CTNNA2: variants seen among roughly 807,000 people sequenced by gnomAD.
CTNNA2 encodes catenin alpha 2, also known as catenin alpha-2.
A neutral mutation model predicts 101.0 loss-of-function variants in CTNNA2; 42 were observed. The observed-to-expected ratio is 0.42, with a 90% CI of 0.32 to 0.54. The LOEUF (loss-of-function observed/expected upper bound fraction) is 0.54, where lower values mean the gene tolerates loss of function less well. Ranked by LOEUF, CTNNA2 falls within the 20% of genes least tolerant of loss-of-function variation. The pLI is 0.14. For missense variants in CTNNA2, 871 were observed against 1,223.1 expected (o/e 0.71, Z 4.29); for synonymous variants, 450 against 456.4 (o/e 0.99, Z 0.18).
At chr2:79,678,553 A>AG (rs1183720636) in intron 2 of CTNNA2, among the ~76,000 whole-genome samples, 3 of 151,690 alleles carry the variant, frequency 2.0e-5, no homozygotes, top group African/African-American at 7.3e-5. Context: ...AAAAAAAAAA[A>AG]AAAAGAAAAA....
intron 1 of CTNNA2, among the ~76,000 whole-genome samples, chr2:79,527,974 T>C (rs1277981837): frequency 6.6e-6 from 1 of 152,204 alleles, no homozygotes; most frequent in Admixed American, 6.6e-5. Flanking sequence ...TGGGATAATA[T>C]TCCACCATAA....
chr2:80,562,332 A>G (rs1187491608), intron 12 of CTNNA2, among the ~76,000 whole-genome samples: 5 of 152,210 alleles, frequency 3.3e-5, no homozygotes, highest in Admixed American at 2.6e-4. Flanking sequence ...GATAGCTTAC[A>G]ATATAGAAAT....
intron 7 of CTNNA2, among the ~76,000 whole-genome samples, chr2:80,391,007 C>A (rs1677457623): frequency 6.6e-6 from 1 of 151,668 alleles, no homozygotes; most frequent in Admixed American, 6.6e-5. Context: ...TGGCACATGT[C>A]TGTAATCCCA....
chr2:79,345,710 T>G (rs62156622), intron 3 of CTNNA2, among the ~76,000 whole-genome samples: 1 of 152,164 alleles, frequency 6.6e-6, no homozygotes, highest in Admixed American at 6.5e-5. Context: ...TTGTCTGTTT[T>G]GAGACAGAGT....
At chr2:80,095,979 AG>A (rs1700119673) in intron 7 of CTNNA2, among the ~76,000 whole-genome samples, 1 of 152,056 alleles carries the variant, frequency 6.6e-6, no homozygotes, top group Non-Finnish European at 1.5e-5. Flanking sequence ...GATTTTTTGA[AG>A]GGTTTTTTGT....
At chr2:80,351,499 A>C (rs1342283460) in intron 7 of CTNNA2, among the ~76,000 whole-genome samples, 1 of 152,052 alleles carries the variant, frequency 6.6e-6, no homozygotes, top group African/African-American at 2.4e-5. Flanking sequence ...ACTAAAGAAG[A>C]CCATGTTTGA....
intron 8 of CTNNA2, among the ~76,000 whole-genome samples, chr2:80,400,114 C>T (rs181147410): frequency 1.1e-4 from 17 of 152,280 alleles, no homozygotes; most frequent in Non-Finnish European, 2.1e-4. Context: ...AACAGCTAAT[C>T]GCCTTGATTC....
intron 18 of CTNNA2, among the ~76,000 whole-genome samples, chr2:80,630,215 T>G (rs2149827948): frequency 6.6e-6 from 1 of 152,318 alleles, no homozygotes; most frequent in Non-Finnish European, 1.5e-5. Context: ...AAATAAAAGT[T>G]TAAACAAGGT....
intron 2 of CTNNA2, among the ~76,000 whole-genome samples, chr2:79,222,880 G>T (rs1572986928): frequency 6.6e-6 from 1 of 152,058 alleles, no homozygotes; most frequent in Non-Finnish European, 1.5e-5. Flanking sequence ...AAACACAGTG[G>T]CTCTCATCTG....
intron 12 of CTNNA2, among the ~76,000 whole-genome samples, chr2:80,565,299 C>T (rs1485777375): frequency 6.6e-6 from 1 of 152,032 alleles, no homozygotes; most frequent in Non-Finnish European, 1.5e-5. Context: ...AGATAAAAAG[C>T]AAAGTTCTAG....
At chr2:80,628,819 G>A (rs992747086) in intron 18 of CTNNA2, among the ~76,000 whole-genome samples, 3 of 152,008 alleles carry the variant, frequency 2.0e-5, no homozygotes, top group Non-Finnish European at 2.9e-5. Flanking sequence ...TGAGTGGCAC[G>A]ATGATCCCCA....
At position 80,112,732 on chromosome 2, in the gene CTNNA2, C is replaced by T. The variant is rs116314000; in HGVS notation, c.1056+202935C>T. Among the ~76,000 whole-genome samples the T allele has an allele frequency of 7.5e-3, 1,141 of 152,280 alleles. 17 individuals are homozygous for T. Among genetic ancestry groups the T allele is most frequent in the African/African-American group, 0.026 (1,093 of 41,556 alleles). On this transcript the variant is annotated intron_variant, in intron 7 of 18. Transcript: ENST00000402739. ...CTTCCCAGCTTCTCTTTGCCACCTA[C>T]CTGCATTTTTGCGCACCCTATTCTG... is the stretch of plus-strand genomic sequence containing the variant.
At chr2:80,194,395 G>A (rs1706706683) in intron 7 of CTNNA2, among the ~76,000 whole-genome samples, 1 of 152,040 alleles carries the variant, frequency 6.6e-6, no homozygotes, top group African/African-American at 2.4e-5. Context: ...GATGTTCTTA[G>A]GGCAACTATA....
At chr2:79,226,457 G>A (rs1674410332) in intron 2 of CTNNA2, among the ~76,000 whole-genome samples, 1 of 152,072 alleles carries the variant, frequency 6.6e-6, no homozygotes, top group African/African-American at 2.4e-5. Flanking sequence ...GTTATTTTTT[G>A]TGGCCACGTT....
At chr2:79,852,923 A>G (rs1371779879) in intron 3 of CTNNA2, among the ~76,000 whole-genome samples, 2 of 147,602 alleles carry the variant, frequency 1.4e-5, no homozygotes, top group African/African-American at 2.5e-5. Flanking sequence ...GCTGGATGCA[A>G]TGGTGAAATC....
chr2:80,033,279 C>A (rs914151662), intron 7 of CTNNA2, among the ~76,000 whole-genome samples: 7 of 151,844 alleles, frequency 4.6e-5, no homozygotes, highest in Non-Finnish European at 8.8e-5. Context: ...AAAATACCAC[C>A]ATACTGGGCA....
chr2:80,162,972 G>A lies in CTNNA2; in HGVS notation c.1057-230239G>A, dbSNP rs550165142. ...GGGATATGGCAAACTGACATCTTGCGAGGCATGACTACTTCCTGATCTAAA... is the reference window on the plus strand; with the variant it reads ...GGGATATGGCAAACTGACATCTTGCAAGGCATGACTACTTCCTGATCTAAA... On this transcript the variant is annotated intron_variant, in intron 7 of 18. Transcript: ENST00000402739. 3.1e-5 allele frequency: 47 copies of A among 1,540,968 alleles called. 1 individual carries two copies. The Admixed American group carries it at 3.8e-4, about 13-fold the overall frequency.
chr2:79,862,098 C>T (rs6547285), intron 4 of CTNNA2, among the ~76,000 whole-genome samples: 2,774 of 152,162 alleles, frequency 0.018, 90 homozygotes, highest in African/African-American at 0.064. Flanking sequence ...TTAGCATGAG[C>T]GATAGCAGGA....
intron 18 of CTNNA2, among the ~76,000 whole-genome samples, chr2:80,637,138 CAT>C (rs1023860288): frequency 2.0e-5 from 3 of 152,184 alleles, no homozygotes; most frequent in South Asian, 2.1e-4. Context: ...AAAAGAGAAA[CAT>C]AAATTTTTTA....
Sources: gnomAD v4.1 joint callset for allele counts (sites outside exome capture counted in the v4.1 genomes callset) on GRCh38, gnomAD v4.1.1 for gene constraint, MANE v1.5 for transcripts, NCBI Gene and HGNC (gene_info 2026-07-23, HGNC 2026-07-21) for gene names.